PACRG: variants seen among roughly 807,000 people sequenced by gnomAD.
PACRG encodes the protein parkin coregulated.
In PACRG, 29 loss-of-function variants were observed where a neutral mutation model predicts 29.7. The ratio of observed to expected loss-of-function variants is 0.98; its 90% CI spans 0.73 to 1.33. The LOEUF (loss-of-function observed/expected upper bound fraction) is 1.33, where lower values mean the gene tolerates loss of function less well. Ranked by LOEUF, PACRG falls within the 40% of genes most tolerant of loss-of-function variation. The pLI is 0.00. For missense variants in PACRG, 279 were observed against 316.2 expected (o/e 0.88, Z 0.89); for synonymous variants, 116 against 118.7 (o/e 0.98, Z 0.15).
intron 4 of PACRG, among the ~76,000 whole-genome samples, chr6:163,313,275 A>G (rs1444515017): frequency 6.6e-6 from 1 of 152,168 alleles, no homozygotes; most frequent in East Asian, 1.9e-4. Context: ...TATTATGAAT[A>G]AATGACATGC....
intron 1 of PACRG, among the ~76,000 whole-genome samples, chr6:162,765,897 G>C (rs931101473): frequency 1.6e-4 from 24 of 151,950 alleles, no homozygotes; most frequent in African/African-American, 5.1e-4. Context: ...TTCAATCTTG[G>C]TGTTTCTTCT....
intron 2 of PACRG, among the ~76,000 whole-genome samples, chr6:162,964,848 G>T (rs2128149608): frequency 6.6e-6 from 1 of 152,328 alleles, no homozygotes. Context: ...AACAGGAACT[G>T]GTATTTAGGG....
intron 4 of PACRG, chr6:163,100,954 A>G (rs1485733852): frequency 3.0e-6 from 3 of 984,986 alleles, no homozygotes; most frequent in Non-Finnish European, 3.6e-6. Flanking sequence ...AAAGATGGCA[A>G]CGTAATTATG....
rs560612967 is a variant in PACRG at position 162,786,638 on chromosome 6, G to A, written c.157-27509G>A. Among the ~76,000 whole-genome samples the A allele has an allele frequency of 2.4e-4, 36 of 152,152 alleles. 1 individual carries two copies. In the South Asian group the frequency reaches 4.8e-3, roughly 20 times the overall value. On this transcript the variant is annotated intron_variant, in intron 1 of 4. Coordinates refer to ENST00000366888, the MANE Select transcript of PACRG (RefSeq NM_001080379.2). ...AGTAGAAGGCAGAAAGGTCTGCTTT[G>A]GACTTCAATCAGAAGAAACACAATC...
At chr6:163,243,329 C>T (rs1782572679) in intron 4 of PACRG, among the ~76,000 whole-genome samples, 2 of 152,202 alleles carry the variant, frequency 1.3e-5, no homozygotes, top group Admixed American at 6.5e-5. Context: ...GTGCCTGGCA[C>T]CAAGTTATGC....
chr6:163,156,602 C>A (rs1778328915), intron 4 of PACRG, among the ~76,000 whole-genome samples: 2 of 152,178 alleles, frequency 1.3e-5, no homozygotes, highest in South Asian at 4.1e-4. Context: ...TTTTCTATTG[C>A]TGCCAAAACA....
At chr6:163,246,727 AT>A (rs887784501) in intron 4 of PACRG, among the ~76,000 whole-genome samples, 5 of 152,190 alleles carry the variant, frequency 3.3e-5, no homozygotes, top group African/African-American at 1.2e-4. Context: ...ACACATATTT[AT>A]TTTTTCACAA....
intron 2 of PACRG, among the ~76,000 whole-genome samples, chr6:162,895,385 T>G (rs757604715): frequency 1.3e-4 from 20 of 152,204 alleles, no homozygotes; most frequent in Non-Finnish European, 2.4e-4. Context: ...TGTCTATCTG[T>G]GATCTTTCAC....
At chr6:163,081,433 A>T (rs1050657818) in intron 3 of PACRG, among the ~76,000 whole-genome samples, 1 of 152,204 alleles carries the variant, frequency 6.6e-6, no homozygotes, top group Non-Finnish European at 1.5e-5. Context: ...ACAACATTGT[A>T]AATCTAATTA....
At chr6:162,924,242 C>T (rs947916095) in intron 2 of PACRG, among the ~76,000 whole-genome samples, 4 of 151,926 alleles carry the variant, frequency 2.6e-5, no homozygotes, top group African/African-American at 7.2e-5. Flanking sequence ...GGATTTGCAT[C>T]CTGTGCCTTT....
intron 4 of PACRG, among the ~76,000 whole-genome samples, chr6:163,149,318 T>G (rs1381774435): frequency 2.0e-5 from 3 of 151,518 alleles, no homozygotes; most frequent in Admixed American, 6.6e-5. Flanking sequence ...TCCAGCCGGC[T>G]CCCCCTTCCA....
chr6:163,137,380 G>A (rs895823998), intron 4 of PACRG, among the ~76,000 whole-genome samples: 1 of 151,642 alleles, frequency 6.6e-6, no homozygotes, highest in African/African-American at 2.4e-5. Flanking sequence ...TTGTTCGCTT[G>A]CCAGTCCTCG....
At chr6:163,041,165 G>A (rs779133094) in intron 2 of PACRG, among the ~76,000 whole-genome samples, 1 of 151,860 alleles carries the variant, frequency 6.6e-6, no homozygotes, top group South Asian at 2.1e-4. Context: ...GTGAAACCCC[G>A]TCTCTACTAA....
intron 4 of PACRG, among the ~76,000 whole-genome samples, chr6:163,302,545 A>G (rs6455891): frequency 0.46 from 69,619 of 152,114 alleles, 18,173 homozygotes; most frequent in African/African-American, 0.72. Context: ...GAGTTCAGCC[A>G]GCAGACTGCT....
chr6:162,737,060 A>G (rs1346168495), intron 1 of PACRG, among the ~76,000 whole-genome samples: 1 of 152,160 alleles, frequency 6.6e-6, no homozygotes, highest in East Asian at 1.9e-4. Context: ...TCTGAAGTAG[A>G]TGTACTGGGT....
At chr6:163,150,898 T>C (rs1778056875) in intron 4 of PACRG, among the ~76,000 whole-genome samples, 1 of 152,344 alleles carries the variant, frequency 6.6e-6, no homozygotes, top group African/African-American at 2.4e-5. Context: ...TGCTGGGTTT[T>C]ATCTACATTA....
In PACRG at chr6:163,087,736, G is replaced by A. The variant is rs1006512713; in HGVS notation, c.464-1523G>A. Reference sequence around the variant, plus strand: ...CCAGGACTGGAGCAGAGAGGGTGAGGATAGAGACTGACACTGGAGGAGAGG... The same window carrying A: ...CCAGGACTGGAGCAGAGAGGGTGAGAATAGAGACTGACACTGGAGGAGAGG... On this transcript the variant is annotated intron_variant, in intron 3 of 4. Transcript: ENST00000366888. Among the ~76,000 whole-genome samples, 22 of 151,396 alleles carry A rather than the reference G, an allele frequency of 1.5e-4. 1 individual carries two copies. Among genetic ancestry groups the A allele is most frequent in the African/African-American group, 5.1e-4 (21 of 41,156 alleles).
intron 2 of PACRG, among the ~76,000 whole-genome samples, chr6:162,852,923 C>A (rs1056012689): frequency 2.0e-5 from 3 of 152,284 alleles, no homozygotes; most frequent in Middle Eastern, 3.4e-3. Flanking sequence ...CTAGAAACTG[C>A]CTGACTTACA....
chr6:163,015,322 G>C (rs1293591226), intron 2 of PACRG, among the ~76,000 whole-genome samples: 1 of 152,080 alleles, frequency 6.6e-6, no homozygotes, highest in African/African-American at 2.4e-5. Flanking sequence ...GATTGCTTTG[G>C]CTATTCGGCC....
Sources: allele counts gnomAD v4.1 joint callset (sites outside exome capture counted in the v4.1 genomes callset), GRCh38; gene constraint gnomAD v4.1.1; transcripts MANE v1.5; gene names NCBI Gene and HGNC (gene_info 2026-07-23, HGNC 2026-07-21).